ZBTB14: variants seen among roughly 807,000 people sequenced by gnomAD.
ZBTB14 encodes zinc finger and BTB domain-containing protein 14.
ZBTB14 carries 8 observed loss-of-function variants against 29.5 expected under a neutral mutation model. The ratio of observed to expected loss-of-function variants is 0.27; its 90% CI spans 0.16 to 0.49. ZBTB14 has a LOEUF of 0.49. ZBTB14 is among the 20% of genes least tolerant of loss of function. The pLI is 0.99. For missense variants in ZBTB14, 333 were observed against 563.8 expected, an observed-to-expected ratio of 0.59 and a Z score of 4.15; for synonymous variants, 226 against 207.2, an observed-to-expected ratio of 1.09 and a Z score of -0.78.
At chr18:5,296,236 C>G (rs1369461025), upstream of ZBTB14, 6 of 150,476 alleles carry the variant, frequency 4.0e-5, no homozygotes, top group East Asian at 2.0e-4. Flanking sequence ...CACGCGCGCG[C>G]ACGCGCGCGG....
Position 5,291,191 on chromosome 18 carries a change from T to C in ZBTB14, c.1017A>G (p.Gly339=). 1 of 1,614,266 alleles carries C rather than the reference T, an allele frequency of 6.2e-7. No homozygotes were observed. Among genetic ancestry groups the C allele is most frequent in the Non-Finnish European group, 8.5e-7 (1 of 1,180,044 alleles). Residue 339 remains glycine (G), a synonymous_variant, in exon 4 of 4, where the codon GGA becomes GGG. Transcript: ENST00000651870. The surrounding 1 kb of genome is among the most constrained non-coding windows in gnomAD (Gnocchi z 5.8). The part of the protein sequence containing the change: ...GYKPYSCEVC[G]KSFIRAPDLK... ...AGTCTGGGGCACGGATAAATGATTTTCCACACACCTCACAGCTATAGGGCT... is the reference window on the plus strand; with the variant it reads ...AGTCTGGGGCACGGATAAATGATTTCCCACACACCTCACAGCTATAGGGCT...
At chr18:5,296,593 G>C (rs1342754864), upstream of ZBTB14, among the ~76,000 whole-genome samples, 1 of 152,028 alleles carries the variant, frequency 6.6e-6, no homozygotes, top group Non-Finnish European at 1.5e-5. Flanking sequence ...GCGCCCACGG[G>C]TCTGCGGTCT....
rs780406401 is a variant in ZBTB14 at position 5,291,038 on chromosome 18, C to A, written c.1170G>T (p.Val390=). 33 of 1,614,292 alleles carry A rather than the reference C, an allele frequency of 2.0e-5. No homozygotes were observed. The highest frequency in any genetic ancestry group is 5.0e-5 in the Admixed American group (3 of 60,038). The change falls in exon 4 of 4, where the codon GTG becomes GTT. Residue 390 remains valine (V), a synonymous_variant. Coordinates refer to ENST00000651870, the MANE Select transcript of ZBTB14 (RefSeq NM_001243702.2). This position sits in a 1 kb window ranked among gnomAD's most constrained non-coding sequence, Gnocchi z 5.8. The part of the protein sequence containing the change: ...ERRHRGEKPF[V]CGSCTKAFAK... ...CAAATGCCTTGGTGCAGGAGCCACACACAAAAGGCTTTTCCCCTCTGTGTC... is the reference window on the plus strand; with the variant it reads ...CAAATGCCTTGGTGCAGGAGCCACAAACAAAAGGCTTTTCCCCTCTGTGTC...
rs1468757995 is a variant in ZBTB14 at position 5,291,558 on chromosome 18, C to T, written c.650G>A (p.Gly217Asp). ...SEEVRKVNCY[G>D]QEVESMETPE... ...GGTCTCCATGGATTCTACTTCCTGGCCGTAGCAATTGACCTTCCGAACTTC... is the reference window on the plus strand; with the variant it reads ...GGTCTCCATGGATTCTACTTCCTGGTCGTAGCAATTGACCTTCCGAACTTC... The change falls in exon 4 of 4, where the codon GGC becomes GAC. Residue 217 changes from glycine to aspartate, a missense_variant. Gly to Asp is a moderately conservative substitution (Grantham distance 94, BLOSUM62 -1). Transcript: ENST00000651870. The surrounding 1 kb of genome is among the most constrained non-coding windows in gnomAD (Gnocchi z 5.8). 1 of 1,613,958 alleles carries T rather than the reference C, an allele frequency of 6.2e-7. No homozygotes were observed. The highest frequency in any genetic ancestry group is 1.7e-5 in the Admixed American group (1 of 60,020).
chr18:5,292,203 TC>T lies in ZBTB14; in HGVS notation c.4del (p.Glu2SerfsTer22), dbSNP rs1356786104. M[E>X]FFISMSETIK... ...GGTTTCAGACATACTGATGAAAAAC[TC>T]CTACAAAAAAAAAAAAAGTTTAGTA... is the stretch of plus-strand genomic sequence containing the variant. On this transcript the variant is annotated frameshift_variant and splice_region_variant, in exon 4 of 4. Transcript: ENST00000651870. LOFTEE classifies it high-confidence loss of function. 2 of 1,486,172 alleles carry T rather than the reference TC, an allele frequency of 1.3e-6. No individual in the cohort carries two copies. Among genetic ancestry groups the T allele is most frequent in the African/African-American group, 1.7e-5 (1 of 59,358 alleles). The allele number at this position is 1,486,172 out of a possible 1,614,324, so 92.1% of individuals were successfully genotyped here.
chr18:5,292,025 A>G lies in ZBTB14; in HGVS notation c.183T>C (p.Phe61=). 1.2e-6 allele frequency: 2 copies of G among 1,613,304 alleles called. No individual in the cohort carries two copies. The highest frequency in any genetic ancestry group is 1.1e-5 in the South Asian group (1 of 90,850). The change falls in exon 4 of 4, where the codon TTT becomes TTC. Residue 61 remains phenylalanine, a synonymous_variant. Transcript: ENST00000651870. ...CCTCAAGCTTCTTGAAAAGCTTTTT[A>G]AAGTAAGTGCTGCAGGCAGCAAGAA... is the stretch of plus-strand genomic sequence containing the variant. ...RCVLAACSTY[F]KKLFKKLEVD... is the part of the protein sequence containing the mutation.
At position 5,293,347 on chromosome 18, in the gene ZBTB14, C is replaced by A; in HGVS notation, c.-81-20G>T. 8.0e-7 allele frequency: 1 copy of A among 1,253,702 alleles called. No individual in the cohort carries two copies. Among genetic ancestry groups the A allele is most frequent in the South Asian group, 1.4e-5 (1 of 71,798 alleles). 77.7% of individuals were successfully genotyped at this position (1,253,702 alleles called of 1,614,324 possible). Reference sequence around the variant, plus strand: ...CCAGACCTACAGAGGAAAGGATAAACAAGAATGAGGTAGGATCTTCCTGTA... The same window carrying A: ...CCAGACCTACAGAGGAAAGGATAAAAAAGAATGAGGTAGGATCTTCCTGTA... On this transcript the variant is annotated intron_variant, in intron 2 of 3. Transcript: ENST00000651870.
At position 5,293,226 on chromosome 18, in the gene ZBTB14, A is replaced by T; in HGVS notation, c.3+18T>A. ...CAAGTCATTTTCATCAAGATTTAAT[A>T]TCCAAAGTTATAGTTACCATGAACA... On this transcript the variant is annotated intron_variant, in intron 3 of 3. Transcript: ENST00000651870. 2 of 1,612,102 alleles carry T rather than the reference A, an allele frequency of 1.2e-6. No homozygotes were observed. The highest frequency in any genetic ancestry group is 1.7e-6 in the Non-Finnish European group (2 of 1,179,376).
chr18:5,290,588 T>C lies in ZBTB14; in HGVS notation c.*270A>G, dbSNP rs1224717073. 2.5e-6 allele frequency: 1 copy of C among 400,190 alleles called. No homozygotes were observed. Among genetic ancestry groups the C allele is most frequent in the East Asian group, 4.4e-5 (1 of 22,900 alleles). 24.8% of individuals were successfully genotyped at this position (400,190 alleles called of 1,614,324 possible). A position where few individuals can be genotyped will look rare whatever the true frequency, so the allele number is the denominator to read the frequency against. On this transcript the variant is annotated 3_prime_UTR_variant, in exon 4 of 4. Transcript: ENST00000651870. ...AAACTGGACACAGGAGTTCTCAAAT[T>C]AAAATAATAAAAAAAAAAAAGGGAG...
In ZBTB14 at chr18:5,291,716, C is replaced by T. The variant is rs1220951263; in HGVS notation, c.492G>A (p.Glu164=). Residue 164 remains glutamate, a synonymous_variant, in exon 4 of 4, where the codon GAG becomes GAA. Transcript: ENST00000651870. This position sits in a 1 kb window ranked among gnomAD's most constrained non-coding sequence, Gnocchi z 5.8. The part of the protein sequence containing the change: ...DAADTQDDDV[E]EIGDQDDSPS... Reference sequence around the variant, plus strand: ...GACTGTCATCCTGATCCCCGATTTCCTCTACATCATCATCCTGGGTGTCAG... The same window carrying T: ...GACTGTCATCCTGATCCCCGATTTCTTCTACATCATCATCCTGGGTGTCAG... 2 of 1,614,134 alleles carry T rather than the reference C, an allele frequency of 1.2e-6. No homozygotes were observed. Among genetic ancestry groups the T allele is most frequent in the Non-Finnish European group, 1.7e-6 (2 of 1,180,002 alleles).
chr18:5,295,332 G>A (rs1308161431), intron 1 of ZBTB14, among the ~76,000 whole-genome samples: 2 of 143,514 alleles, frequency 1.4e-5, no homozygotes, highest in East Asian at 4.2e-4. Flanking sequence ...CTCCGCGGGC[G>A]CACCCGGGAG....
At chr18:5,292,617 G>A (rs1047777329) in intron 3 of ZBTB14, among the ~76,000 whole-genome samples, 1 of 152,166 alleles carries the variant, frequency 6.6e-6, no homozygotes, top group Non-Finnish European at 1.5e-5. Flanking sequence ...TTCCTGACTA[G>A]AGATAATCAA....
rs1267420285 is a variant in ZBTB14 at position 5,289,236 on chromosome 18, T to C, written c.*1622A>G. 6.6e-6 allele frequency: 1 copy of C among 152,222 alleles called. No homozygotes were observed. Among genetic ancestry groups the C allele is most frequent in the Admixed American group, 6.5e-5 (1 of 15,282 alleles). The allele number at this position is 152,222 out of a possible 1,614,324, so 9.4% of individuals were successfully genotyped here. On this transcript the variant is annotated 3_prime_UTR_variant, in exon 4 of 4. Coordinates refer to ENST00000651870, the MANE Select transcript of ZBTB14 (RefSeq NM_001243702.2). ...CAACTTTCAAGAAAAGAAATTAATTTTAAGTAAAATTAAACATTTTACCAA... is the reference window on the plus strand; with the variant it reads ...CAACTTTCAAGAAAAGAAATTAATTCTAAGTAAAATTAAACATTTTACCAA...
chr18:5,296,875 C>T (rs2071979091), upstream of ZBTB14: 1 of 76,750 alleles, frequency 1.3e-5, no homozygotes, highest in African/African-American at 4.3e-5. Flanking sequence ...TTGGCTCTGT[C>T]CTTAACATCC....
Position 5,289,154 on chromosome 18 carries a change from C to T in ZBTB14, c.*1704G>A, listed in dbSNP as rs997782460. 6.6e-6 allele frequency: 1 copy of T among 152,134 alleles called. No homozygotes were observed. Among genetic ancestry groups the T allele is most frequent in the African/African-American group, 2.4e-5 (1 of 41,430 alleles). The allele number at this position is 152,134 out of a possible 1,614,324, so 9.4% of individuals were successfully genotyped here. On this transcript the variant is annotated 3_prime_UTR_variant, in exon 4 of 4. Transcript: ENST00000651870. ...ACAGCCTAGGAACGGCAATCAGTTC[C>T]CCTTCTATAAGTAGCATAAAAACAC...
Position 5,290,608 on chromosome 18 carries a change from A to T in ZBTB14, c.*250T>A. 4 of 332,384 alleles carry T rather than the reference A, an allele frequency of 1.2e-5. No individual in the cohort carries two copies. Among genetic ancestry groups the T allele is most frequent in the Non-Finnish European group, 1.9e-5 (4 of 206,986 alleles). The allele number at this position is 332,384 out of a possible 1,614,324, so 20.6% of individuals were successfully genotyped here. ...CAAATTAAAATAATAAAAAAAAAAA[A>T]GGGAGAGAGGTGCTTACTGGGCAAC... On this transcript the variant is annotated 3_prime_UTR_variant, in exon 4 of 4. Transcript: ENST00000651870.
At chr18:5,294,751 G>A (rs1457592426) in intron 1 of ZBTB14, 1 of 152,328 alleles carries the variant, frequency 6.6e-6, no homozygotes, top group East Asian at 1.9e-4. Flanking sequence ...GGCGCGCTAA[G>A]CCGCGTTACA....
rs896176331 is a variant in ZBTB14, at chr18:5,290,609, G to A, written c.*249C>T. ...AAATTAAAATAATAAAAAAAAAAAAGGGAGAGAGGTGCTTACTGGGCAACA... is the reference window on the plus strand; with the variant it reads ...AAATTAAAATAATAAAAAAAAAAAAAGGAGAGAGGTGCTTACTGGGCAACA... On this transcript the variant is annotated 3_prime_UTR_variant, in exon 4 of 4. Coordinates refer to ENST00000651870, the MANE Select transcript of ZBTB14 (RefSeq NM_001243702.2). 6.7e-5 allele frequency: 22 copies of A among 327,584 alleles called. No individual in the cohort carries two copies. The highest frequency in any genetic ancestry group is 5.0e-4 in the African/African-American group (9 of 18,042). 20.3% of individuals were successfully genotyped at this position (327,584 alleles called of 1,614,324 possible). A position where few individuals can be genotyped will look rare whatever the true frequency, so the allele number is the denominator to read the frequency against.
At chr18:5,295,115 G>C (rs925815819) in intron 1 of ZBTB14, among the ~76,000 whole-genome samples, 1 of 147,792 alleles carries the variant, frequency 6.8e-6, no homozygotes, top group East Asian at 2.0e-4. Flanking sequence ...AGCGCGCAGG[G>C]AGGGACTGCG....
Sources: allele counts gnomAD v4.1 joint callset (sites outside exome capture counted in the v4.1 genomes callset), GRCh38; gene constraint gnomAD v4.1.1; non-coding constraint Gnocchi (gnomAD v3.1); transcripts MANE v1.5; gene names NCBI Gene and HGNC (gene_info 2026-07-23, HGNC 2026-07-21).